The following ADAM18 variants were observed in gnomAD, a reference collection of about 807,000 sequenced individuals.
The protein encoded by ADAM18 is ADAM metallopeptidase domain 18, also known as disintegrin and metalloproteinase domain-containing protein 18.
Under a neutral mutation model 94.4 loss-of-function variants are expected in ADAM18, and 117 were observed. That is an observed-to-expected ratio of 1.24 (90% CI 1.07 to 1.45). ADAM18 has a LOEUF of 1.45. Ranked by LOEUF, ADAM18 falls within the 40% of genes most tolerant of loss-of-function variation. ADAM18 has a pLI of 0.00. For missense variants in ADAM18, 936 were observed against 880.0 expected (o/e 1.06, Z -0.81); for synonymous variants, 327 against 291.6 (o/e 1.12, Z -1.24).
chr8:39,709,448 G>A (rs983028646), intron 18 of ADAM18, among the ~76,000 whole-genome samples: 12 of 152,176 alleles, frequency 7.9e-5, no homozygotes, highest in Non-Finnish European at 1.5e-4. Context: ...CAACATTCAA[G>A]TGAGAAAACA....
intron 18 of ADAM18, among the ~76,000 whole-genome samples, chr8:39,709,171 G>T (rs764510181): frequency 1.3e-4 from 20 of 152,178 alleles, no homozygotes; most frequent in Non-Finnish European, 2.6e-4. Flanking sequence ...GGATTTTATT[G>T]CTGATGAAAG....
chr8:39,722,072 TATC>T (rs972252735), intron 18 of ADAM18, among the ~76,000 whole-genome samples: 1 of 150,034 alleles, frequency 6.7e-6, no homozygotes, highest in Non-Finnish European at 1.5e-5. Context: ...TATATATTGA[TATC>T]ATATATATAT....
At chr8:39,662,128 G>C (rs1027412098) in intron 12 of ADAM18, among the ~76,000 whole-genome samples, 1 of 151,922 alleles carries the variant, frequency 6.6e-6, no homozygotes, top group African/African-American at 2.4e-5. Context: ...GTAATAATGA[G>C]AGCTTTGAGA....
Position 39,609,477 on chromosome 8 carries a change from T to A in ADAM18, c.268-8T>A, listed in dbSNP as rs374196358. The A allele has an allele frequency of 1.8e-4, 287 of 1,606,436 alleles. 1 individual carries two copies. The highest frequency in any genetic ancestry group is 2.3e-4 in the Non-Finnish European group (274 of 1,174,384). On this transcript the variant is annotated splice_polypyrimidine_tract_variant and splice_region_variant and intron_variant, in intron 4 of 19. Coordinates refer to ENST00000265707, the MANE Select transcript of ADAM18 (RefSeq NM_014237.3). Reference sequence around the variant, plus strand: ...TTTATATACTTGCCTTTCTATACTGTTTTTCAGATGCATTGCCATTACCAA... The same window carrying A: ...TTTATATACTTGCCTTTCTATACTGATTTTCAGATGCATTGCCATTACCAA...
intron 6 of ADAM18, 32 bp downstream of exon 6, chr8:39,610,738 C>G (rs774149437): frequency 5.0e-6 from 8 of 1,592,038 alleles, no homozygotes; most frequent in African/African-American, 1.3e-5. Flanking sequence ...TTATGACATA[C>G]TAGAACATTG....
chr8:39,586,806 C>CATCTATCTATCTATCTA (rs1818416985), intron 2 of ADAM18, among the ~76,000 whole-genome samples: 1 of 114,646 alleles, frequency 8.7e-6, no homozygotes, highest in South Asian at 2.7e-4. Flanking sequence ...CTATCTATAT[C>CATCTATCTATCTATCTA]TATCTATCTA....
At chr8:39,645,924 G>A (rs1449968722) in intron 11 of ADAM18, among the ~76,000 whole-genome samples, 1 of 152,078 alleles carries the variant, frequency 6.6e-6, no homozygotes, top group Non-Finnish European at 1.5e-5. Flanking sequence ...TTGCATGAGA[G>A]TGTCTTGCAA....
chr8:39,706,015 A>C (rs1822232164), intron 17 of ADAM18, among the ~76,000 whole-genome samples: 1 of 152,146 alleles, frequency 6.6e-6, no homozygotes, highest in Non-Finnish European at 1.5e-5. Context: ...CATCTTTAGC[A>C]GTTGGAAATG....
chr8:39,718,704 G>T (rs185425729), intron 18 of ADAM18, among the ~76,000 whole-genome samples: 4 of 149,594 alleles, frequency 2.7e-5, no homozygotes, highest in East Asian at 3.9e-4. Flanking sequence ...CGTTAGGTAG[G>T]TGCTCTTCCT....
At chr8:39,674,959 C>T (rs1359151319) in intron 14 of ADAM18, among the ~76,000 whole-genome samples, 1 of 152,228 alleles carries the variant, frequency 6.6e-6, no homozygotes, top group Non-Finnish European at 1.5e-5. Context: ...CCCCCACTCT[C>T]TTCTGGCTTG....
intron 17 of ADAM18, among the ~76,000 whole-genome samples, chr8:39,693,608 G>T (rs1036819583): frequency 2.0e-5 from 3 of 150,628 alleles, no homozygotes; most frequent in Admixed American, 6.6e-5. Flanking sequence ...TTGCTACCAT[G>T]TTTCATTGGG....
At chr8:39,626,674 A>G (rs996032163) in intron 6 of ADAM18, among the ~76,000 whole-genome samples, 2 of 152,182 alleles carry the variant, frequency 1.3e-5, no homozygotes, top group East Asian at 1.9e-4. Flanking sequence ...AAAATCATTC[A>G]GGATCAGATT....
intron 18 of ADAM18, among the ~76,000 whole-genome samples, chr8:39,722,232 T>C (rs1295859798): frequency 4.1e-5 from 1 of 24,242 alleles, no homozygotes; most frequent in African/African-American, 9.1e-5. Context: ...TATATATATA[T>C]ATATATATAT....
intron 17 of ADAM18, among the ~76,000 whole-genome samples, chr8:39,702,117 T>G (rs550210154): frequency 6.6e-6 from 1 of 152,296 alleles, no homozygotes; most frequent in African/African-American, 2.4e-5. Flanking sequence ...AGTGTATAAG[T>G]ATTCCTTTTA....
chr8:39,637,022 TA>T (rs1820092948), intron 7 of ADAM18, among the ~76,000 whole-genome samples: 6 of 23,912 alleles, frequency 2.5e-4, no homozygotes, highest in Admixed American at 6.2e-4. Context: ...GTGTATTTTA[TA>T]TATATATATA....
At chr8:39,639,998 A>T (rs1820191764) in intron 10 of ADAM18, among the ~76,000 whole-genome samples, 1 of 152,096 alleles carries the variant, frequency 6.6e-6, no homozygotes, top group African/African-American at 2.4e-5. Context: ...TGAAAGTTAT[A>T]TGATAGACAA....
intron 14 of ADAM18, among the ~76,000 whole-genome samples, chr8:39,670,749 A>G (rs887777852): frequency 4.6e-5 from 7 of 152,228 alleles, no homozygotes; most frequent in African/African-American, 1.7e-4. Flanking sequence ...AAAGAAAATC[A>G]AGGTAGTGAA....
In ADAM18 at chr8:39,723,672, T is replaced by A. The variant is rs1301131905; in HGVS notation, c.2018-76T>A. ...AAACTTCATTATATATACACGTATA[T>A]GATTAAGTGAAAAAATATAAATTTA... On this transcript the variant is annotated intron_variant, in intron 18 of 19. Transcript: ENST00000265707. The A allele has an allele frequency of 7.3e-6, 8 of 1,100,430 alleles. No homozygotes were observed. The Admixed American group carries it at 1.8e-4, about 25-fold the overall frequency. 68.2% of individuals were successfully genotyped at this position (1,100,430 alleles called of 1,614,324 possible).
At chr8:39,677,004 A>C (rs1456448680) in intron 14 of ADAM18, among the ~76,000 whole-genome samples, 1 of 152,204 alleles carries the variant, frequency 6.6e-6, no homozygotes, top group Non-Finnish European at 1.5e-5. Context: ...AAGTATAGCC[A>C]GCATGCTGGA....
Sources: allele counts gnomAD v4.1 joint callset (sites outside exome capture counted in the v4.1 genomes callset), GRCh38; gene constraint gnomAD v4.1.1; transcripts MANE v1.5; gene names NCBI Gene and HGNC (gene_info 2026-07-23, HGNC 2026-07-21).